Variants in CSNK2A2IP observed in about 807,000 individuals in gnomAD.
The protein encoded by CSNK2A2IP is casein kinase 2 subunit alpha' interacting protein.
chr3:88,429,867 C>T, the CSNK2A2IP span, among the ~76,000 whole-genome samples: 8 of 152,104 alleles, frequency 5.3e-5, no homozygotes, highest in African/African-American at 1.9e-4. Context: ...ATTCTCCTGC[C>T]TCAGCCTTCC....
the CSNK2A2IP span, among the ~76,000 whole-genome samples, chr3:88,429,742 T>A: frequency 6.6e-6 from 1 of 151,884 alleles, no homozygotes; most frequent in Non-Finnish European, 1.5e-5. Context: ...GAGCATTTTT[T>A]TTGTTGTTGT....
chr3:88,390,057 G>T, the CSNK2A2IP span, among the ~76,000 whole-genome samples: 3 of 152,096 alleles, frequency 2.0e-5, no homozygotes, highest in African/African-American at 7.2e-5. Flanking sequence ...TAGCTCTGAA[G>T]GTGGACGGGA....
chr3:88,464,931 A>G, the CSNK2A2IP span, among the ~76,000 whole-genome samples: 1 of 152,340 alleles, frequency 6.6e-6, no homozygotes, highest in South Asian at 2.1e-4. Context: ...AGTATAATTC[A>G]AAAGATATGC....
At chr3:88,354,359 A>G in the CSNK2A2IP span, among the ~76,000 whole-genome samples, 311 of 152,354 alleles carry the variant, frequency 2.0e-3, 3 homozygotes, top group African/African-American at 7.2e-3. Flanking sequence ...TAAGCACTCA[A>G]TAAGAGGTAG....
the CSNK2A2IP span, among the ~76,000 whole-genome samples, chr3:88,464,923 T>C: frequency 6.6e-6 from 1 of 152,280 alleles, no homozygotes; most frequent in East Asian, 1.9e-4. Flanking sequence ...GTTTTGAAAG[T>C]ATAATTCAAA....
chr3:88,449,874 TAG>T, the CSNK2A2IP span, among the ~76,000 whole-genome samples: 111 of 70,098 alleles, frequency 1.6e-3, 3 homozygotes, highest in African/African-American at 4.2e-3. Flanking sequence ...TATATATATA[TAG>T]AGAGAGAGAG....
the CSNK2A2IP span, among the ~76,000 whole-genome samples, chr3:88,454,820 C>T: frequency 2.0e-5 from 3 of 151,804 alleles, no homozygotes; most frequent in Admixed American, 6.6e-5. Context: ...GAAATACTTC[C>T]TTTCAAATTT....
chr3:88,420,067 T>C, the CSNK2A2IP span, among the ~76,000 whole-genome samples: 2 of 152,148 alleles, frequency 1.3e-5, no homozygotes, highest in Non-Finnish European at 1.5e-5. Flanking sequence ...ATTATGATTT[T>C]ATTGGTCTGA....
chr3:88,465,495 G>A, the CSNK2A2IP span: 3 of 1,231,718 alleles, frequency 2.4e-6, no homozygotes, highest in Admixed American at 4.2e-5. Flanking sequence ...TGGCCAAAGT[G>A]CAATCCCATA....
At chr3:88,465,312 C>G in the CSNK2A2IP span, 1 of 1,153,620 alleles carries the variant, frequency 8.7e-7, no homozygotes, top group Non-Finnish European at 1.1e-6. Context: ...ACTAAATCAT[C>G]CCCACAAGCC....
chr3:88,364,973 G>A, the CSNK2A2IP span, among the ~76,000 whole-genome samples: 1 of 152,154 alleles, frequency 6.6e-6, no homozygotes, highest in African/African-American at 2.4e-5. Flanking sequence ...AATTTAGTAT[G>A]CAGTTATGAG....
chr3:88,372,007 A>T, the CSNK2A2IP span, among the ~76,000 whole-genome samples: 1 of 151,686 alleles, frequency 6.6e-6, no homozygotes, highest in African/African-American at 2.4e-5. Flanking sequence ...AAGTTGAGAT[A>T]GTTTGTTGCA....
At chr3:88,443,845 T>C in the CSNK2A2IP span, among the ~76,000 whole-genome samples, 2,068 of 152,088 alleles carry the variant, frequency 0.014, 38 homozygotes, top group African/African-American at 0.048. Context: ...TTTCCTTTGC[T>C]ACTCACCAGT....
At chr3:88,462,704 T>A in the CSNK2A2IP span, among the ~76,000 whole-genome samples, 10 of 152,234 alleles carry the variant, frequency 6.6e-5, no homozygotes, top group African/African-American at 2.4e-4. Flanking sequence ...AGAATCTAAA[T>A]TAAATGAAGA....
chr3:88,385,192 G>T, the CSNK2A2IP span, among the ~76,000 whole-genome samples: 1,511 of 152,250 alleles, frequency 9.9e-3, 22 homozygotes, highest in African/African-American at 0.035. Context: ...CACATTGGTC[G>T]CAGGCCGAAT....
the CSNK2A2IP span, among the ~76,000 whole-genome samples, chr3:88,390,936 C>T: frequency 0.068 from 10,328 of 152,078 alleles, 1,006 homozygotes; most frequent in African/African-American, 0.21. Flanking sequence ...AAAACATTGG[C>T]GCTTATTTAA....
chr3:88,339,312 CCTGA>C, the CSNK2A2IP span, among the ~76,000 whole-genome samples: 1 of 151,832 alleles, frequency 6.6e-6, no homozygotes, highest in African/African-American at 2.4e-5. Context: ...TCTTTCTGTG[CCTGA>C]CTAATTTCAC....
At chr3:88,364,217 C>G in the CSNK2A2IP span, among the ~76,000 whole-genome samples, 1 of 151,778 alleles carries the variant, frequency 6.6e-6, no homozygotes, top group Non-Finnish European at 1.5e-5. Context: ...CTCGGGGATC[C>G]CTGTAATTTG....
chr3:88,347,710 G>C, the CSNK2A2IP span, among the ~76,000 whole-genome samples: 1 of 151,886 alleles, frequency 6.6e-6, no homozygotes, highest in African/African-American at 2.4e-5. Context: ...TTGTTGCAGT[G>C]GTCAGGAACA....
Sources: gnomAD v4.1 joint callset for allele counts (sites outside exome capture counted in the v4.1 genomes callset) on GRCh38, gnomAD v4.1.1 for gene constraint, MANE v1.5 for transcripts, NCBI Gene and HGNC (gene_info 2026-07-23, HGNC 2026-07-21) for gene names.